ADAMTSL2: variants seen among roughly 807,000 people sequenced by gnomAD.
ADAMTSL2 encodes ADAMTS-like protein 2.
In ADAMTSL2, 55 loss-of-function variants were observed where a neutral mutation model predicts 117.0. That is an observed-to-expected ratio of 0.47 (90% CI 0.38 to 0.59). The LOEUF (loss-of-function observed/expected upper bound fraction) is 0.59, where lower values mean the gene tolerates loss of function less well. Ranked by LOEUF, ADAMTSL2 falls within the 20% of genes least tolerant of loss-of-function variation. The pLI, the probability that ADAMTSL2 is intolerant of heterozygous loss-of-function variation, is 0.00. For synonymous variants in ADAMTSL2, 572 were observed against 566.4 expected, an observed-to-expected ratio of 1.01 and a Z score of -0.14; for missense variants, 1,182 against 1,354.5, an observed-to-expected ratio of 0.87 and a Z score of 2.00.
At chr9:133,544,697 T>G in intron 8 of ADAMTSL2, 147 bp downstream of exon 8, 2 of 775,206 alleles carry the variant, frequency 2.6e-6, no homozygotes, top group South Asian at 2.9e-5. Flanking sequence ...GAGCCAGAAC[T>G]TGAGCCAGCT....
At chr9:133,556,993 G>C (rs1199425440) in intron 11 of ADAMTSL2, among the ~76,000 whole-genome samples, 2 of 152,174 alleles carry the variant, frequency 1.3e-5, no homozygotes, top group African/African-American at 4.8e-5. Flanking sequence ...CGGGCTCACT[G>C]GTGTTTGGTT....
Position 133,557,961 on chromosome 9 carries a change from G to A in ADAMTSL2, c.1649+2031G>A, listed in dbSNP as rs988088040. Among the ~76,000 whole-genome samples, 2 of 98,516 alleles carry A rather than the reference G, an allele frequency of 2.0e-5. No homozygotes were observed. The highest frequency in any genetic ancestry group is 4.6e-5 in the African/African-American group (1 of 21,640). The allele number at this position is 98,516 out of a possible 152,430, so 64.6% of individuals were successfully genotyped here. A position where few individuals can be genotyped will look rare whatever the true frequency, so the allele number is the denominator to read the frequency against. ...CAGTTTCCCCATCTCTCACTGGGGG[G>A]CTTGTCAGGGGCTGCCCTTTGGGCC... On this transcript the variant is annotated intron_variant, in intron 11 of 18. Transcript: ENST00000651351. This position sits in a 1 kb window ranked among gnomAD's most constrained non-coding sequence, Gnocchi z 5.2.
intron 18 of ADAMTSL2, 100 bp downstream of exon 18, chr9:133,574,087 G>A: frequency 6.8e-7 from 1 of 1,473,444 alleles, no homozygotes; most frequent in Non-Finnish European, 9.2e-7. Flanking sequence ...CACCTTGATG[G>A]CGAGCCTGGG....
intron 8 of ADAMTSL2, among the ~76,000 whole-genome samples, chr9:133,545,143 T>G (rs1687866572): frequency 6.6e-6 from 1 of 152,026 alleles, no homozygotes; most frequent in African/African-American, 2.4e-5. Context: ...TGGCAAATTT[T>G]GGAAGAGCCC....
chr9:133,546,690 G>A (rs956226566), intron 8 of ADAMTSL2, among the ~76,000 whole-genome samples: 4 of 152,198 alleles, frequency 2.6e-5, no homozygotes, highest in Non-Finnish European at 5.9e-5. Context: ...ACAGGCCACA[G>A]ACTCTCCTGC....
intron 8 of ADAMTSL2, 145 bp from the exon 9 acceptor site, chr9:133,546,893 C>A: frequency 2.4e-6 from 2 of 851,006 alleles, no homozygotes; most frequent in African/African-American, 1.7e-5. Context: ...ACTGGCCAGA[C>A]TCTCCATGAT....
chr9:133,538,574 T>C, intron 4 of ADAMTSL2, 150 bp downstream of exon 4: 1 of 870,978 alleles, frequency 1.1e-6, no homozygotes, highest in Non-Finnish European at 1.8e-6. Context: ...TTGAGAAGGC[T>C]GCGGGGGGCC....
intron 9 of ADAMTSL2, among the ~76,000 whole-genome samples, chr9:133,552,211 C>T (rs1363187147): frequency 1.3e-5 from 2 of 152,172 alleles, no homozygotes; most frequent in African/African-American, 4.8e-5. Flanking sequence ...AATTACTCTT[C>T]GTGGTGGAGG....
chr9:133,566,793 C>A, intron 12 of ADAMTSL2, 143 bp from the exon 13 acceptor site: 1 of 1,109,512 alleles, frequency 9.0e-7, no homozygotes, highest in Non-Finnish European at 1.3e-6. Context: ...TGCCCTCATG[C>A]CACAGTTGCA....
At position 133,540,931 on chromosome 9, in the gene ADAMTSL2, C is replaced by G. The variant is rs1195293898; in HGVS notation, c.612C>G (p.Gly204=). 6.2e-7 allele frequency: 1 copy of G among 1,613,324 alleles called. No homozygotes were observed. Among genetic ancestry groups the G allele is most frequent in the Non-Finnish European group, 8.5e-7 (1 of 1,180,028 alleles). The change falls in exon 7 of 19, where the codon GGC becomes GGG. Residue 204 remains glycine (G), a synonymous_variant. Transcript: ENST00000651351. ...LFSTHTLDKC[G]ICQGDGSSCT... ...CCACCCACACACTGGACAAGTGTGGCATCTGCCAGGGGGACGGTAGCAGCT... is the reference window on the plus strand; with the variant it reads ...CCACCCACACACTGGACAAGTGTGGGATCTGCCAGGGGGACGGTAGCAGCT...
chr9:133,560,854 T>C (rs1830710573), intron 11 of ADAMTSL2, among the ~76,000 whole-genome samples: 1 of 152,166 alleles, frequency 6.6e-6, no homozygotes, highest in Non-Finnish European at 1.5e-5. Context: ...GAAGGTAATA[T>C]TGAGAAGCCT....
In ADAMTSL2 at chr9:133,537,510, G is replaced by T; in HGVS notation, c.196G>T (p.Gly66Trp). 7.4e-7 allele frequency: 1 copy of T among 1,352,660 alleles called. No individual in the cohort carries two copies. Among genetic ancestry groups the T allele is most frequent in the Non-Finnish European group, 9.6e-7 (1 of 1,043,686 alleles). The allele number at this position is 1,352,660 out of a possible 1,614,324, so 83.8% of individuals were successfully genotyped here. ...WTACSRSCGG[G>W]VTSQERHCLQ... ...GGCGTGTTCCCGCAGTTGCGGGGGTGGGGTGACATCCCAGGAGCGGCACTG... is the reference window on the plus strand; with the variant it reads ...GGCGTGTTCCCGCAGTTGCGGGGGTTGGGTGACATCCCAGGAGCGGCACTG... The change falls in exon 3 of 19, where the codon GGG (glycine) becomes TGG (tryptophan). Residue 66 changes from glycine (G) to tryptophan (W), a missense_variant. Transcript: ENST00000651351.
At position 133,567,073 on chromosome 9, in the gene ADAMTSL2, CCAGGGGCCCTGGG is replaced by C; in HGVS notation, c.1874+18_1874+30del. 6.2e-7 allele frequency: 1 copy of C among 1,603,680 alleles called. No individual in the cohort carries two copies. ...GGAGTGCCAGCCCAGGTACCTGCCA[CCAGGGGCCCTGGG>C]CAGGGGGTCGGCAGGGGGCGTGAGG... On this transcript the variant is annotated intron_variant, in intron 13 of 18. Transcript: ENST00000651351.
chr9:133,568,305 G>T lies in ADAMTSL2; in HGVS notation c.1907G>T (p.Arg636Leu), dbSNP rs1241107159. Residue 636 changes from arginine to leucine, a missense_variant, in exon 14 of 19, where the codon CGC becomes CTC. Arg to Leu is a moderately radical substitution (Grantham distance 102). Transcript: ENST00000651351. ...WETSSWSECS[R>L]TCGEGYQFRV... The stretch of plus-strand genomic sequence containing the variant: ...ACGAGCAGCTGGAGCGAGTGTTCGC[G>T]CACCTGCGGAGAGGGCTACCAGTTC... 18 of 1,576,378 alleles carry T rather than the reference G, an allele frequency of 1.1e-5. No homozygotes were observed. The Admixed American group carries it at 2.9e-4, about 26-fold the overall frequency.
At position 133,557,244 on chromosome 9, in the gene ADAMTSL2, C is replaced by T. The variant is rs1452676383; in HGVS notation, c.1649+1314C>T. ...GCCAGGAGCCCCAGGGGATGCCTGC[C>T]GCTTTTCTCAAACTGTTTTCTGAGG... On this transcript the variant is annotated intron_variant, in intron 11 of 18. Coordinates refer to ENST00000651351, the MANE Select transcript of ADAMTSL2 (RefSeq NM_014694.4). This position sits in a 1 kb window ranked among gnomAD's most constrained non-coding sequence, Gnocchi z 5.2. Among the ~76,000 whole-genome samples the T allele has an allele frequency of 4.6e-5, 7 of 152,144 alleles. No homozygotes were observed. Among genetic ancestry groups the T allele is most frequent in the Non-Finnish European group, 8.8e-5 (6 of 68,018 alleles).
At chr9:133,532,546 G>A (rs542229916), upstream of ADAMTSL2, 1 of 152,170 alleles carries the variant, frequency 6.6e-6, no homozygotes, top group Non-Finnish European at 1.5e-5. Context: ...AGGGCCATAC[G>A]GCTGCAACAC....
chr9:133,565,030 G>A (rs1389019860), intron 12 of ADAMTSL2, among the ~76,000 whole-genome samples: 1 of 152,154 alleles, frequency 6.6e-6, no homozygotes, highest in African/African-American at 2.4e-5. Context: ...ACAGAGGAGC[G>A]TGAGTTTGGC....
intron 12 of ADAMTSL2, among the ~76,000 whole-genome samples, chr9:133,563,814 AGG>A (rs1830806494): frequency 2.5e-5 from 3 of 118,610 alleles, no homozygotes; most frequent in Non-Finnish European, 3.5e-5. Flanking sequence ...AGAGAGAGAA[AGG>A]GGGAGAGAGA....
chr9:133,549,529 G>A (rs376598053), intron 9 of ADAMTSL2, among the ~76,000 whole-genome samples: 3 of 138,416 alleles, frequency 2.2e-5, no homozygotes, highest in African/African-American at 8.2e-5. Context: ...GTCAAACAAC[G>A]CCTTTCCTAC....
Sources: gnomAD v4.1 joint callset for allele counts (sites outside exome capture counted in the v4.1 genomes callset) on GRCh38, gnomAD v4.1.1 for gene constraint, Gnocchi (gnomAD v3.1) non-coding constraint, MANE v1.5 for transcripts, NCBI Gene and HGNC (gene_info 2026-07-23, HGNC 2026-07-21) for gene names.